The following OPCML variants were observed in gnomAD, a reference collection of about 807,000 sequenced individuals.
OPCML encodes opioid binding protein/cell adhesion molecule like, also known as opioid-binding protein/cell adhesion molecule.
In OPCML, 13 loss-of-function variants were observed where a neutral mutation model predicts 37.8. The observed-to-expected ratio is 0.34, with a 90% CI of 0.22 to 0.55. The LOEUF (loss-of-function observed/expected upper bound fraction) is 0.55, where lower values mean the gene tolerates loss of function less well. OPCML is among the 20% of genes least tolerant of loss of function. OPCML has a pLI of 0.91. For missense variants in OPCML, 341 were observed against 435.6 expected (o/e 0.78, Z 1.93); for synonymous variants, 176 against 168.8 (o/e 1.04, Z -0.33).
chr11:132,547,647 A>T (rs2096371731), intron 3 of OPCML, among the ~76,000 whole-genome samples: 1 of 152,094 alleles, frequency 6.6e-6, no homozygotes, highest in Non-Finnish European at 1.5e-5. Flanking sequence ...CATACCACTC[A>T]TTTTATTGGA....
At chr11:132,976,475 A>T (rs1946466616) in intron 1 of OPCML, among the ~76,000 whole-genome samples, 2 of 152,192 alleles carry the variant, frequency 1.3e-5, no homozygotes, top group South Asian at 4.2e-4. Context: ...GCCACCTGTG[A>T]CTCGTGTTTA....
chr11:132,480,951 A>G (rs1210032495), intron 4 of OPCML, among the ~76,000 whole-genome samples: 2 of 152,172 alleles, frequency 1.3e-5, no homozygotes, highest in Admixed American at 6.5e-5. Context: ...CTAGGAAGAA[A>G]CTGCATGAAA....
intron 1 of OPCML, among the ~76,000 whole-genome samples, chr11:133,230,564 G>A (rs1169091125): frequency 6.6e-6 from 1 of 152,216 alleles, no homozygotes; most frequent in Non-Finnish European, 1.5e-5. Context: ...CTTAGTTTAT[G>A]AAGTTATTAC....
intron 3 of OPCML, among the ~76,000 whole-genome samples, chr11:132,604,293 T>G (rs1432562898): frequency 6.8e-6 from 1 of 147,432 alleles, no homozygotes; most frequent in African/African-American, 2.5e-5. Context: ...AAAAAAAAAA[T>G]ACAGGGAGGA....
At chr11:133,342,525 C>T (rs1203290362) in intron 1 of OPCML, among the ~76,000 whole-genome samples, 1 of 152,184 alleles carries the variant, frequency 6.6e-6, no homozygotes, top group African/African-American at 2.4e-5. Context: ...AATCTCCCTG[C>T]CGCCTACTGA....
chr11:132,476,863 A>T (rs983273098), intron 4 of OPCML, among the ~76,000 whole-genome samples: 84 of 152,096 alleles, frequency 5.5e-4, no homozygotes, highest in East Asian at 3.9e-4. Flanking sequence ...AAAAAAAATT[A>T]AAAAAAGTGT....
chr11:133,145,582 G>C (rs1275419664), intron 1 of OPCML, among the ~76,000 whole-genome samples: 1 of 152,230 alleles, frequency 6.6e-6, no homozygotes, highest in African/African-American at 2.4e-5. Flanking sequence ...TGAATGCAAT[G>C]AAGAGCCACC....
At chr11:132,541,602 A>G (rs996186289) in intron 3 of OPCML, among the ~76,000 whole-genome samples, 3 of 151,340 alleles carry the variant, frequency 2.0e-5, no homozygotes, top group African/African-American at 7.3e-5. Context: ...GCCACACATC[A>G]CTTATTTCAT....
At chr11:133,088,647 T>G (rs897258758) in intron 1 of OPCML, among the ~76,000 whole-genome samples, 30 of 152,220 alleles carry the variant, frequency 2.0e-4, no homozygotes, top group African/African-American at 7.2e-4. Context: ...AATAGTGGAT[T>G]AATTATATAA....
At chr11:133,352,353 C>T (rs1240556188) in intron 1 of OPCML, among the ~76,000 whole-genome samples, 1 of 152,180 alleles carries the variant, frequency 6.6e-6, no homozygotes, top group African/African-American at 2.4e-5. Context: ...GCCTTTTGTA[C>T]CTGACCTCTT....
intron 3 of OPCML, among the ~76,000 whole-genome samples, chr11:132,652,968 AAATT>A (rs963941738): frequency 2.1e-4 from 32 of 152,254 alleles, no homozygotes; most frequent in South Asian, 8.3e-4. Flanking sequence ...GGATATAAAT[AAATT>A]ATGATTCTTA....
rs185356629 is a variant in OPCML at position 133,404,326 on chromosome 11, G to A, written c.61+127938C>T. ...TTTATTTCCAAATAAGGTCACATTC[G>A]CAGGCGCGAGGAGTAGAACTTGTAC... On this transcript the variant is annotated intron_variant, in intron 1 of 7. Transcript: ENST00000524381. Among the ~76,000 whole-genome samples, 14 of 152,284 alleles carry A rather than the reference G, an allele frequency of 9.2e-5. No individual in the cohort carries two copies. In the East Asian group the frequency reaches 2.3e-3, roughly 25 times the overall value.
intron 1 of OPCML, among the ~76,000 whole-genome samples, chr11:133,515,205 A>G (rs1371927690): frequency 6.6e-6 from 1 of 152,222 alleles, no homozygotes; most frequent in Non-Finnish European, 1.5e-5. Flanking sequence ...TAATACAAGA[A>G]GAGAAGGCCA....
At chr11:132,861,790 G>C (rs1022881443) in intron 2 of OPCML, among the ~76,000 whole-genome samples, 1 of 148,640 alleles carries the variant, frequency 6.7e-6, no homozygotes, top group African/African-American at 2.5e-5. Flanking sequence ...AGCTGAGATC[G>C]CACCATTGCA....
At chr11:132,961,496 C>A in intron 1 of OPCML, among the ~76,000 whole-genome samples, 1 of 152,014 alleles carries the variant, frequency 6.6e-6, no homozygotes. Flanking sequence ...CGATGCTATT[C>A]GTAGATGTAG....
chr11:133,068,083 C>A (rs922173913), intron 1 of OPCML: 2 of 152,108 alleles, frequency 1.3e-5, no homozygotes, highest in Non-Finnish European at 2.9e-5. Context: ...CACACTGTTC[C>A]AACCAAAATT....
At chr11:132,700,787 C>T (rs1304826324) in intron 2 of OPCML, among the ~76,000 whole-genome samples, 1 of 152,076 alleles carries the variant, frequency 6.6e-6, no homozygotes, top group Non-Finnish European at 1.5e-5. Context: ...CTGTATGTGT[C>T]TGTTAGGTCT....
chr11:132,457,284 C>A (rs989306876), intron 4 of OPCML, among the ~76,000 whole-genome samples: 1 of 152,200 alleles, frequency 6.6e-6, no homozygotes, highest in Non-Finnish European at 1.5e-5. Context: ...AGTCGTAGGG[C>A]ATGGCTGCTT....
intron 1 of OPCML, among the ~76,000 whole-genome samples, chr11:133,129,061 T>C (rs1235043830): frequency 2.6e-5 from 4 of 152,110 alleles, no homozygotes; most frequent in Admixed American, 6.5e-5. Context: ...CTCATTGCCT[T>C]AAGAGTTTAC....
Sources: gnomAD v4.1 joint callset for allele counts (sites outside exome capture counted in the v4.1 genomes callset) on GRCh38, gnomAD v4.1.1 for gene constraint, MANE v1.5 for transcripts, NCBI Gene and HGNC (gene_info 2026-07-23, HGNC 2026-07-21) for gene names.